The following TFB1M variants were observed in gnomAD, a reference collection of about 807,000 sequenced individuals.
The protein encoded by TFB1M is dimethyladenosine transferase 1, mitochondrial.
A neutral mutation model predicts 31.1 loss-of-function variants in TFB1M; 27 were observed. The observed-to-expected ratio is 0.87, with a 90% CI of 0.64 to 1.20. TFB1M has a LOEUF of 1.20. TFB1M is among the 50% of genes most tolerant of loss of function. The pLI, the probability that TFB1M is intolerant of heterozygous loss-of-function variation, is 0.00. For missense variants in TFB1M, 394 were observed against 418.7 expected, an observed-to-expected ratio of 0.94 and a Z score of 0.51; for synonymous variants, 166 against 151.8, an observed-to-expected ratio of 1.09 and a Z score of -0.69.
intron 4 of TFB1M, among the ~76,000 whole-genome samples, chr6:155,294,892 T>C (rs1777094469): frequency 6.6e-6 from 1 of 152,234 alleles, no homozygotes. Flanking sequence ...AACTAATTCA[T>C]GGTCCACCAA....
rs143177560 is a variant in TFB1M at position 155,311,427 on chromosome 6, C to A, written c.134-88G>T. The A allele has an allele frequency of 3.9e-4, 421 of 1,084,844 alleles. 3 individuals are homozygous for A. The East Asian group carries it at 9.9e-3, about 26-fold the overall frequency. The allele number at this position is 1,084,844 out of a possible 1,614,324, so 67.2% of individuals were successfully genotyped here. Reference sequence around the variant, plus strand: ...GAGAGAAAAATCTTCTATAAAAATTCAGCCATTACCCAATCAATTGATCCT... The same window carrying A: ...GAGAGAAAAATCTTCTATAAAAATTAAGCCATTACCCAATCAATTGATCCT... On this transcript the variant is annotated intron_variant, in intron 1 of 6. Transcript: ENST00000367166.
At position 155,257,529 on chromosome 6, in the gene TFB1M, G is replaced by GTTAT. The variant is rs1235307911; in HGVS notation, c.*303_*306dup. Reference sequence around the variant, plus strand: ...TTTGCTTTATTTAAAGCATATTTAAGTTATTTTAATGTGGTTTAGGGGCAA... The same window carrying GTTAT: ...TTTGCTTTATTTAAAGCATATTTAAGTTATTTATTTTAATGTGGTTTAGGGGCAA... On this transcript the variant is annotated 3_prime_UTR_variant, in exon 7 of 7. Transcript: ENST00000367166. The GTTAT allele has an allele frequency of 2.7e-6, 1 of 364,520 alleles. No homozygotes were observed. Among genetic ancestry groups the GTTAT allele is most frequent in the African/African-American group, 2.1e-5 (1 of 47,184 alleles). 22.6% of individuals were successfully genotyped at this position (364,520 alleles called of 1,614,324 possible). A position where few individuals can be genotyped will look rare whatever the true frequency, so the allele number is the denominator to read the frequency against.
chr6:155,264,479 TGACA>T (rs1784530940), intron 5 of TFB1M, among the ~76,000 whole-genome samples: 1 of 152,260 alleles, frequency 6.6e-6, no homozygotes, highest in South Asian at 2.1e-4. Flanking sequence ...ACCTTAAAGC[TGACA>T]GCATTCTAAG....
At chr6:155,231,784 C>G in the TFB1M span, among the ~76,000 whole-genome samples, 1 of 152,362 alleles carries the variant, frequency 6.6e-6, no homozygotes, top group Admixed American at 6.5e-5. Context: ...CACTCAAGAG[C>G]ATCATCTGTG....
At chr6:155,244,853 C>G in the TFB1M span, 1 of 1,466,046 alleles carries the variant, frequency 6.8e-7, no homozygotes, top group African/African-American at 1.4e-5. Context: ...CATGAGAATT[C>G]TCTCATGAGA....
intron 4 of TFB1M, among the ~76,000 whole-genome samples, chr6:155,291,872 T>C (rs961781089): frequency 5.3e-5 from 8 of 152,224 alleles, no homozygotes; most frequent in African/African-American, 1.9e-4. Flanking sequence ...GAAATTCTTA[T>C]GATACACTCA....
intron 5 of TFB1M, chr6:155,260,728 G>A: frequency 2.7e-6 from 1 of 375,978 alleles, no homozygotes; most frequent in South Asian, 2.3e-5. Context: ...ATAATAGATG[G>A]CATTAGAATA....
chr6:155,254,412 C>T (rs1331213), downstream of TFB1M: 15 of 1,609,736 alleles, frequency 9.3e-6, no homozygotes, highest in African/African-American at 2.7e-5. Flanking sequence ...TCTCCCCCCC[C>T]ACCCAGTGAC....
rs372897935 is a variant in TFB1M at position 155,304,679 on chromosome 6, G to A, written c.286-6094C>T. ...CAAAGGTAAGGATGAAAAAAGATTTGTCAGAAACTTTTTGCAATGCAAAAA... is the reference window on the plus strand; with the variant it reads ...CAAAGGTAAGGATGAAAAAAGATTTATCAGAAACTTTTTGCAATGCAAAAA... On this transcript the variant is annotated intron_variant, in intron 2 of 6. Transcript: ENST00000367166. Among the ~76,000 whole-genome samples, 1,205 of 151,838 alleles carry A rather than the reference G, an allele frequency of 7.9e-3. 16 individuals carry two copies. The highest frequency in any genetic ancestry group is 0.028 in the African/African-American group (1,144 of 41,420).
chr6:155,302,911 C>T (rs1777496686), intron 2 of TFB1M, among the ~76,000 whole-genome samples: 1 of 152,110 alleles, frequency 6.6e-6, no homozygotes, highest in Non-Finnish European at 1.5e-5. Flanking sequence ...GTAAACACGT[C>T]CTTCTTCATA....
rs757981073 is a variant in TFB1M at position 155,307,766 on chromosome 6, C to T, written c.285+3422G>A. ...GGAAGAAGAACTGTCCTGGGCCACA[C>T]ATAAAATACACTAACGATAGCAGAT... On this transcript the variant is annotated intron_variant, in intron 2 of 6. Coordinates refer to ENST00000367166, the MANE Select transcript of TFB1M (RefSeq NM_016020.4). Among the ~76,000 whole-genome samples, 126 of 152,090 alleles carry T rather than the reference C, an allele frequency of 8.3e-4. 2 individuals carry two copies. Among genetic ancestry groups the T allele is most frequent in the Non-Finnish European group, 7.1e-4 (48 of 68,024 alleles).
At chr6:155,244,972 C>A in the TFB1M span, 2 of 667,866 alleles carry the variant, frequency 3.0e-6, no homozygotes, top group Non-Finnish European at 4.4e-6. Context: ...TTTTTTTTTC[C>A]TGGCGCAGGT....
the TFB1M span, chr6:155,243,867 A>G: frequency 6.9e-6 from 4 of 579,790 alleles, 1 homozygote; most frequent in African/African-American, 1.9e-5. Flanking sequence ...AAAAAAAAAA[A>G]AAAAAAAAAA....
At chr6:155,279,972 G>T (rs961902413) in intron 5 of TFB1M, among the ~76,000 whole-genome samples, 2 of 151,508 alleles carry the variant, frequency 1.3e-5, no homozygotes, top group Admixed American at 1.3e-4. Flanking sequence ...TTTTATTTTG[G>T]ACTCAAGGGC....
Position 155,260,370 on chromosome 6 carries a change from A to G in TFB1M, c.697T>C (p.Leu233=). The G allele has an allele frequency of 6.2e-7, 1 of 1,614,240 alleles. No homozygotes were observed. The highest frequency in any genetic ancestry group is 8.5e-7 in the Non-Finnish European group (1 of 1,180,040). ...VDVGVVHFTP[L]IQPKIEQPFK... is the part of the protein sequence containing the mutation. Reference sequence around the variant, plus strand: ...GGCTGCTCTATCTTGGGCTGTATCAAGGGAGTGAAGTGCACCACGCCCACG... The same window carrying G: ...GGCTGCTCTATCTTGGGCTGTATCAGGGGAGTGAAGTGCACCACGCCCACG... The change falls in exon 6 of 7, where the codon TTG becomes CTG. Residue 233 remains leucine (L), a synonymous_variant. Transcript: ENST00000367166.
chr6:155,311,394 G>T, intron 1 of TFB1M, 55 bp from the exon 2 acceptor site: 1 of 1,451,354 alleles, frequency 6.9e-7, no homozygotes, highest in Non-Finnish European at 9.6e-7. Flanking sequence ...TTCAACGTAT[G>T]AAATTTAGAG....
intron 5 of TFB1M, among the ~76,000 whole-genome samples, chr6:155,277,097 CAA>C (rs1785263429): frequency 1.3e-5 from 2 of 152,284 alleles, no homozygotes; most frequent in South Asian, 4.1e-4. Context: ...GTGATAAGAA[CAA>C]AAGTTTGTTT....
the TFB1M span, among the ~76,000 whole-genome samples, chr6:155,233,327 A>G: frequency 5.3e-5 from 8 of 152,214 alleles, no homozygotes; most frequent in African/African-American, 1.9e-4. Flanking sequence ...CATCAAGAGG[A>G]GGCCATCATG....
the TFB1M span, chr6:155,240,492 G>C: frequency 1.3e-6 from 2 of 1,571,660 alleles, no homozygotes; most frequent in Non-Finnish European, 1.7e-6. Context: ...ATCAGGGAGA[G>C]GCCCGTGCAT....
Sources: gnomAD v4.1 joint callset for allele counts (sites outside exome capture counted in the v4.1 genomes callset) on GRCh38, gnomAD v4.1.1 for gene constraint, MANE v1.5 for transcripts, NCBI Gene and HGNC (gene_info 2026-07-23, HGNC 2026-07-21) for gene names.